The following MEGF11 variants were observed in gnomAD, a reference collection of about 807,000 sequenced individuals.
MEGF11 encodes the protein multiple EGF like domains 11, also known as multiple epidermal growth factor-like domains protein 11.
Under a neutral mutation model 146.6 loss-of-function variants are expected in MEGF11, and 126 were observed. The ratio of observed to expected loss-of-function variants is 0.86; its 90% CI spans 0.74 to 1.00. The LOEUF is 1.00. Ranked by LOEUF, MEGF11 falls within the 50% of genes least tolerant of loss-of-function variation. The pLI, the probability that MEGF11 is intolerant of heterozygous loss-of-function variation, is 0.00. For missense variants in MEGF11, 1,509 were observed against 1,521.2 expected (o/e 0.99, Z 0.13); for synonymous variants, 532 against 583.4 (o/e 0.91, Z 1.27).
At chr15:66,064,528 T>A (rs943519236) in intron 5 of MEGF11, among the ~76,000 whole-genome samples, 1 of 152,088 alleles carries the variant, frequency 6.6e-6, no homozygotes, top group Admixed American at 6.5e-5. Context: ...TTTTTTCTTC[T>A]CTTTTTGAGA....
intron 4 of MEGF11, among the ~76,000 whole-genome samples, chr15:66,095,087 C>T (rs2086484311): frequency 6.6e-6 from 1 of 152,182 alleles, no homozygotes; most frequent in Admixed American, 6.5e-5. Flanking sequence ...GAGAGACATC[C>T]ACGATGATGA....
At chr15:66,108,349 A>G (rs1264877353) in intron 4 of MEGF11, among the ~76,000 whole-genome samples, 2 of 152,214 alleles carry the variant, frequency 1.3e-5, no homozygotes, top group Non-Finnish European at 2.9e-5. Flanking sequence ...CTGAGCCCCT[A>G]CTATGTGCCT....
intron 10 of MEGF11, among the ~76,000 whole-genome samples, chr15:65,934,261 T>C (rs1210795674): frequency 1.3e-5 from 2 of 152,220 alleles, no homozygotes; most frequent in Non-Finnish European, 2.9e-5. Context: ...GTTTGTTTGT[T>C]TGTTTTTGAG....
chr15:65,915,564 C>T lies in MEGF11; in HGVS notation c.2379G>A (p.Gln793=), dbSNP rs905381377. The change falls in exon 19 of 26, where the codon CAG becomes CAA. Residue 793 remains glutamine (Q), a synonymous_variant. Transcript: ENST00000395614. Reference sequence around the variant, plus strand: ...AGTTGTTCATGCACTCACATAGCTGCTGACACCCATAGCCAAAGGTTCCTG... The same window carrying T: ...AGTTGTTCATGCACTCACATAGCTGTTGACACCCATAGCCAAAGGTTCCTG... The part of the protein sequence containing the change: ...CAPGTFGYGC[Q]QLCECMNNST... 1.2e-6 allele frequency: 2 copies of T among 1,613,958 alleles called. No individual in the cohort carries two copies.
intron 1 of MEGF11, among the ~76,000 whole-genome samples, chr15:66,185,710 G>T (rs1046949624): frequency 2.0e-5 from 3 of 152,178 alleles, no homozygotes; most frequent in Admixed American, 2.0e-4. Context: ...GATGGCAAAG[G>T]TCAGGGGGCA....
chr15:66,102,217 C>T (rs148636713), intron 4 of MEGF11, among the ~76,000 whole-genome samples: 47 of 1,900 alleles, frequency 0.025, no homozygotes, highest in Admixed American at 0.056. Flanking sequence ...TTTTCTCGGC[C>T]GAGCTGTTCG....
chr15:65,900,521 T>TAGTATTTCCTCAATCTTGTACAAAAATA (rs2078468624), intron 24 of MEGF11, among the ~76,000 whole-genome samples: 1 of 152,200 alleles, frequency 6.6e-6, no homozygotes, highest in Non-Finnish European at 1.5e-5. Flanking sequence ...TTTCAGCAGA[T>TAGTATTTCCTCAATCTTGTACAAAAATA]AGTATTTCCT....
intron 2 of MEGF11, among the ~76,000 whole-genome samples, chr15:66,126,987 C>A (rs1451060939): frequency 2.0e-5 from 3 of 152,208 alleles, no homozygotes; most frequent in African/African-American, 7.2e-5. Context: ...CCAGTTCCTG[C>A]AAAGCCACAG....
intron 4 of MEGF11, among the ~76,000 whole-genome samples, chr15:66,115,396 C>T (rs1477204581): frequency 6.6e-6 from 1 of 152,246 alleles, no homozygotes; most frequent in Non-Finnish European, 1.5e-5. Flanking sequence ...GCTCCCTCAC[C>T]CTGGGGTCTC....
At chr15:66,128,967 T>G (rs905314794) in intron 1 of MEGF11, among the ~76,000 whole-genome samples, 2 of 152,222 alleles carry the variant, frequency 1.3e-5, no homozygotes, top group African/African-American at 4.8e-5. Flanking sequence ...TTGCTTCTTC[T>G]GTCTCCTATG....
intron 1 of MEGF11, among the ~76,000 whole-genome samples, chr15:66,146,753 C>T (rs779785563): frequency 6.6e-6 from 1 of 152,256 alleles, no homozygotes; most frequent in Non-Finnish European, 1.5e-5. Flanking sequence ...CGGAGGCACA[C>T]GCCGAGTAGC....
At chr15:65,907,533 G>A (rs915775711) in intron 23 of MEGF11, among the ~76,000 whole-genome samples, 1 of 152,110 alleles carries the variant, frequency 6.6e-6, no homozygotes, top group Non-Finnish European at 1.5e-5. Flanking sequence ...GACGTCACGT[G>A]ATCTGCCTGC....
intron 10 of MEGF11, among the ~76,000 whole-genome samples, chr15:65,955,755 A>T (rs868586161): frequency 0.011 from 151 of 13,838 alleles, 4 homozygotes; most frequent in Non-Finnish European, 0.016. Context: ...AAAAAAAAAA[A>T]AAAAAAATAT....
Position 65,915,642 on chromosome 15 carries a change from C to T in MEGF11, c.2345-44G>A, listed in dbSNP as rs182135167. The T allele has an allele frequency of 4.6e-4, 735 of 1,599,468 alleles. 1 individual carries two copies. The highest frequency in any genetic ancestry group is 5.9e-4 in the Non-Finnish European group (693 of 1,170,348). On this transcript the variant is annotated intron_variant, in intron 18 of 25. Coordinates refer to ENST00000395614, the MANE Select transcript of MEGF11 (RefSeq NM_001385028.1). ...TAGGGTAGAGGACCCACTCACTCTC[C>T]ACCCCTCCCCTTCCATGTTTAGACA...
intron 5 of MEGF11, among the ~76,000 whole-genome samples, chr15:65,995,437 C>T (rs1418004206): frequency 2.0e-5 from 3 of 152,242 alleles, no homozygotes; most frequent in African/African-American, 7.2e-5. Context: ...AACCCTCCAA[C>T]CATGTGCGTG....
chr15:66,033,935 C>A (rs751441938), intron 5 of MEGF11, among the ~76,000 whole-genome samples: 1 of 152,100 alleles, frequency 6.6e-6, no homozygotes, highest in Admixed American at 6.5e-5. Flanking sequence ...GGATTACAGG[C>A]GCCCACCACC....
chr15:66,009,241 G>GTTTTTTTTTTTTTTTTTTTTTT (rs10540363), intron 5 of MEGF11, among the ~76,000 whole-genome samples: 1 of 143,072 alleles, frequency 7.0e-6, no homozygotes, highest in African/African-American at 2.6e-5. Context: ...GTTAACCTAA[G>GTTTTTTTTTTTTTTTTTTTTTT]TTTTTTTTTT....
intron 1 of MEGF11, among the ~76,000 whole-genome samples, chr15:66,176,301 T>C (rs1176172007): frequency 6.6e-6 from 1 of 152,222 alleles, no homozygotes; most frequent in Non-Finnish European, 1.5e-5. Flanking sequence ...CCAGTCCCAC[T>C]GCTGGGTATT....
intron 1 of MEGF11, among the ~76,000 whole-genome samples, chr15:66,192,904 C>A (rs2090919409): frequency 6.6e-6 from 1 of 152,224 alleles, no homozygotes; most frequent in Non-Finnish European, 1.5e-5. Flanking sequence ...ACTAGCTATT[C>A]ATTGGCAACA....
Sources: allele counts gnomAD v4.1 joint callset (sites outside exome capture counted in the v4.1 genomes callset), GRCh38; gene constraint gnomAD v4.1.1; transcripts MANE v1.5; gene names NCBI Gene and HGNC (gene_info 2026-07-23, HGNC 2026-07-21).